The following GABRB1 variants were observed in gnomAD, a reference collection of about 807,000 sequenced individuals.
The protein encoded by GABRB1 is gamma-aminobutyric acid receptor subunit beta-1.
In GABRB1, 17 loss-of-function variants were observed where a neutral mutation model predicts 51.6. The ratio of observed to expected loss-of-function variants is 0.33; its 90% CI spans 0.23 to 0.49. GABRB1 has a LOEUF of 0.49. GABRB1 is among the 20% of genes least tolerant of loss of function. The pLI is 0.99. For synonymous variants in GABRB1, 247 were observed against 218.9 expected (o/e 1.13, Z -1.14); for missense variants, 410 against 600.6 (o/e 0.68, Z 3.32).
At chr4:47,381,179 A>T (rs571398344) in intron 5 of GABRB1, among the ~76,000 whole-genome samples, 1 of 152,110 alleles carries the variant, frequency 6.6e-6, no homozygotes, top group Admixed American at 6.5e-5. Context: ...CACCCTTGGG[A>T]GCTAAGGAAG....
At chr4:47,317,601 C>A (rs1268083547) in intron 4 of GABRB1, among the ~76,000 whole-genome samples, 1 of 151,762 alleles carries the variant, frequency 6.6e-6, no homozygotes, top group Non-Finnish European at 1.5e-5. Flanking sequence ...TTGAAAATTC[C>A]TTTTGCTCTG....
intron 5 of GABRB1, among the ~76,000 whole-genome samples, chr4:47,388,605 C>A (rs1727879169): frequency 6.6e-6 from 1 of 152,152 alleles, no homozygotes; most frequent in Non-Finnish European, 1.5e-5. Flanking sequence ...GGCTCCATAA[C>A]AAGGGCAGAA....
intron 4 of GABRB1, among the ~76,000 whole-genome samples, chr4:47,254,615 G>A (rs542101362): frequency 6.6e-6 from 1 of 151,674 alleles, no homozygotes; most frequent in Non-Finnish European, 1.5e-5. Context: ...TTTGTGATCC[G>A]TTTGCCTTGG....
chr4:47,052,331 A>G (rs1341383263), intron 3 of GABRB1, among the ~76,000 whole-genome samples: 1 of 152,140 alleles, frequency 6.6e-6, no homozygotes, highest in Admixed American at 6.6e-5. Context: ...GCAAGGCATA[A>G]TCATTGTTTT....
intron 3 of GABRB1, among the ~76,000 whole-genome samples, chr4:47,144,997 G>A (rs1717096285): frequency 6.6e-6 from 1 of 151,754 alleles, no homozygotes; most frequent in Admixed American, 6.6e-5. Flanking sequence ...GTGGGGATTG[G>A]GAAAGGCTTT....
intron 8 of GABRB1, among the ~76,000 whole-genome samples, chr4:47,418,509 A>G (rs1041494796): frequency 9.9e-5 from 15 of 152,188 alleles, no homozygotes; most frequent in African/African-American, 3.6e-4. Flanking sequence ...GTAACTGTAA[A>G]TGCCAATCAC....
chr4:47,383,910 G>C (rs1273458980), intron 5 of GABRB1, among the ~76,000 whole-genome samples: 1 of 152,056 alleles, frequency 6.6e-6, no homozygotes, highest in African/African-American at 2.4e-5. Flanking sequence ...AAAACCTTGT[G>C]AGAATCAGTG....
At chr4:47,232,653 C>T (rs1338645627) in intron 4 of GABRB1, among the ~76,000 whole-genome samples, 1 of 152,160 alleles carries the variant, frequency 6.6e-6, no homozygotes, top group African/African-American at 2.4e-5. Flanking sequence ...TCATCTCCTT[C>T]TCCTTGCCTG....
At chr4:47,274,057 T>C (rs1044267546) in intron 4 of GABRB1, among the ~76,000 whole-genome samples, 1 of 152,156 alleles carries the variant, frequency 6.6e-6, no homozygotes, top group Non-Finnish European at 1.5e-5. Context: ...GGCAAAATGA[T>C]TGGATAATGC....
intron 3 of GABRB1, among the ~76,000 whole-genome samples, chr4:47,146,453 T>C (rs1050364957): frequency 5.9e-5 from 9 of 151,974 alleles, no homozygotes; most frequent in Admixed American, 1.3e-4. Flanking sequence ...TGAAATGACA[T>C]TATAAATGGA....
At chr4:47,064,094 A>C (rs2109532678) in intron 3 of GABRB1, among the ~76,000 whole-genome samples, 1 of 152,274 alleles carries the variant, frequency 6.6e-6, no homozygotes. Flanking sequence ...GAGCATGTGA[A>C]TTCAAGCCTA....
rs1231509605 is a variant in GABRB1, at chr4:47,123,904, T to TTA, written c.241-37339_241-37338dup. ...TATAATATATATAATATATAATATATTATATATTAATATATGATATATAAT... is the reference window on the plus strand; with the variant it reads ...TATAATATATATAATATATAATATATTATATATATTAATATATGATATATAAT... On this transcript the variant is annotated intron_variant, in intron 3 of 8. Transcript: ENST00000295454. Among the ~76,000 whole-genome samples the TTA allele has an allele frequency of 3.5e-3, 204 of 58,132 alleles. 1 individual carries two copies. The highest frequency in any genetic ancestry group is 7.6e-3 in the African/African-American group (167 of 21,962). The allele number at this position is 58,132 out of a possible 152,430, so 38.1% of individuals were successfully genotyped here.
rs950230167 is a variant in GABRB1 at position 47,261,329 on chromosome 4, G to A, written c.462-58798G>A. Among the ~76,000 whole-genome samples the A allele has an allele frequency of 1.3e-3, 192 of 152,164 alleles. 4 individuals carry two copies. The highest frequency in any genetic ancestry group is 1.6e-3 in the Admixed American group (24 of 15,270). On this transcript the variant is annotated intron_variant, in intron 4 of 8. Transcript: ENST00000295454. Reference sequence around the variant, plus strand: ...TCTCAGCCCAAAATCTCCTTAACCTGATAAGCAACTCCAGCAAAGTCTCAG... The same window carrying A: ...TCTCAGCCCAAAATCTCCTTAACCTAATAAGCAACTCCAGCAAAGTCTCAG...
chr4:47,132,395 TG>T (rs1716458417), intron 3 of GABRB1, among the ~76,000 whole-genome samples: 40 of 1,138 alleles, frequency 0.035, no homozygotes, highest in South Asian at 0.12. Flanking sequence ...TGGTTTGTTT[TG>T]GTTTGGTTTG....
intron 1 of GABRB1, among the ~76,000 whole-genome samples, chr4:47,015,989 G>A (rs1026573251): frequency 6.6e-6 from 1 of 152,208 alleles, no homozygotes. Context: ...TGGAGTATTA[G>A]CGAGGACTAG....
At chr4:47,132,400 TG>T (rs200143106) in intron 3 of GABRB1, among the ~76,000 whole-genome samples, 811 of 16,700 alleles carry the variant, frequency 0.049, 20 homozygotes, top group East Asian at 0.24. Flanking sequence ...TGTTTTGGTT[TG>T]GTTTGGTTTG....
chr4:47,263,206 A>G (rs918871980), intron 4 of GABRB1, among the ~76,000 whole-genome samples: 4 of 151,534 alleles, frequency 2.6e-5, no homozygotes, highest in Non-Finnish European at 4.4e-5. Flanking sequence ...TAATAAATAA[A>G]TAAATAAATA....
At chr4:47,271,153 G>T (rs1179320417) in intron 4 of GABRB1, among the ~76,000 whole-genome samples, 2 of 152,044 alleles carry the variant, frequency 1.3e-5, no homozygotes, top group Non-Finnish European at 2.9e-5. Flanking sequence ...GGGGAAAAGT[G>T]CATTTATTAT....
intron 5 of GABRB1, among the ~76,000 whole-genome samples, chr4:47,349,573 C>T (rs1181596954): frequency 1.3e-5 from 2 of 152,198 alleles, no homozygotes; most frequent in Admixed American, 1.3e-4. Context: ...CCTGCTCCAT[C>T]AGCCTGAGAC....
Sources: allele counts gnomAD v4.1 joint callset (sites outside exome capture counted in the v4.1 genomes callset), GRCh38; gene constraint gnomAD v4.1.1; transcripts MANE v1.5; gene names NCBI Gene and HGNC (gene_info 2026-07-23, HGNC 2026-07-21).